Variants in FMO5 observed in about 807,000 individuals in gnomAD.
FMO5 encodes flavin-containing monooxygenase 5.
FMO5 carries 51 observed loss-of-function variants against 43.6 expected under a neutral mutation model. The ratio of observed to expected loss-of-function variants is 1.17; its 90% confidence interval spans 0.93 to 1.48. The LOEUF (loss-of-function observed/expected upper bound fraction) is 1.48. Among genes scored for constraint, FMO5 ranks in the 40% most tolerant of loss-of-function variants. The pLI, the probability that FMO5 is intolerant of heterozygous loss-of-function variation, is 0.00. For synonymous variants in FMO5, 187 were observed against 216.5 expected, an observed-to-expected ratio of 0.86 and a Z score of 1.20; for missense variants, 644 against 643.0, an observed-to-expected ratio of 1.00 and a Z score of -0.02.
In FMO5 at chr1:147,194,911, C is replaced by T. The variant is rs1284178740; in HGVS notation, c.1184-4662G>A. On this transcript the variant is annotated intron_variant, in intron 7 of 8. Transcript: ENST00000254090. ...CTGATGGGCTTCCCTTTGTGGGTAA[C>T]CCGACCTTTCTCTCTGGCTGCCCTT... 6.6e-5 allele frequency among the ~76,000 whole-genome samples: 10 copies of T among 151,978 alleles called. No individual in the cohort carries two copies. The South Asian group carries it at 2.1e-3, about 32-fold the overall frequency.
chr1:147,206,939 T>A (rs587658619), intron 6 of FMO5, among the ~76,000 whole-genome samples: 185 of 151,496 alleles, frequency 1.2e-3, no homozygotes, highest in Non-Finnish European at 1.1e-3. Context: ...ATAATAAAAA[T>A]ATATATATAT....
chr1:147,211,770 C>A (rs1661104794), intron 5 of FMO5, among the ~76,000 whole-genome samples: 1 of 152,140 alleles, frequency 6.6e-6, no homozygotes, highest in Non-Finnish European at 1.5e-5. Flanking sequence ...AAACAAAAAG[C>A]CAAGGAGATA....
Position 147,212,542 on chromosome 1 carries a change from G to C in FMO5, c.488-7C>G. 1.2e-6 allele frequency: 2 copies of C among 1,609,258 alleles called. No homozygotes were observed. Among genetic ancestry groups the C allele is most frequent in the Non-Finnish European group, 1.7e-6 (2 of 1,178,186 alleles). Reference sequence around the variant, plus strand: ...CCTTTGAACTTCTCAATTCCTGCAAGAGAAGGGAAAATAATTATTGGGTAA... The same window carrying C: ...CCTTTGAACTTCTCAATTCCTGCAACAGAAGGGAAAATAATTATTGGGTAA... On this transcript the variant is annotated splice_region_variant and splice_polypyrimidine_tract_variant and intron_variant, in intron 4 of 8. Coordinates refer to ENST00000254090, the MANE Select transcript of FMO5 (RefSeq NM_001461.4).
chr1:147,213,498 G>T, intron 3 of FMO5, 28 bp from the exon 4 acceptor site: 2 of 1,552,936 alleles, frequency 1.3e-6, no homozygotes, highest in African/African-American at 2.7e-5. Flanking sequence ...AACCACAGGG[G>T]ACATCCCTGA....
chr1:147,200,654 G>A (rs1038010715), intron 7 of FMO5, among the ~76,000 whole-genome samples: 6 of 151,756 alleles, frequency 4.0e-5, no homozygotes, highest in Non-Finnish European at 8.8e-5. Context: ...AGAAAAGTGA[G>A]AATTTGGGGG....
intron 3 of FMO5, 134 bp downstream of exon 3, chr1:147,215,620 G>GT (rs1661850213): frequency 1.6e-6 from 1 of 614,278 alleles, no homozygotes; most frequent in Non-Finnish European, 2.8e-6. Context: ...AAAGAATGGA[G>GT]TTTTTGCCTG....
rs1320048498 is a variant in FMO5, at chr1:147,209,056, G to C, written c.631-5C>G. The C allele has an allele frequency of 6.2e-7, 1 of 1,611,022 alleles. No individual in the cohort carries two copies. The highest frequency in any genetic ancestry group is 8.5e-7 in the Non-Finnish European group (1 of 1,178,224). On this transcript the variant is annotated splice_region_variant and splice_polypyrimidine_tract_variant and intron_variant, in intron 5 of 8. Transcript: ENST00000254090. ...TCTCCTGGTGCTGAGGAAAACCTGG[G>C]GCATGGAAGAAATTGTTTGCTTTTG...
rs1571241802 is a variant in FMO5, at chr1:147,201,063, T to C, written c.1183+89A>G. On this transcript the variant is annotated intron_variant, in intron 7 of 8. Coordinates refer to ENST00000254090, the MANE Select transcript of FMO5 (RefSeq NM_001461.4). ...TGCTAGGCACTGTTGTAATCATACA[T>C]GCTATCTCTAGCTATTTAAAAACAA... 1.1e-5 allele frequency: 10 copies of C among 890,908 alleles called. No homozygotes were observed. The East Asian group carries it at 2.2e-4, about 19-fold the overall frequency. 55.2% of individuals were successfully genotyped at this position (890,908 alleles called of 1,614,324 possible). A position where few individuals can be genotyped will look rare whatever the true frequency, so the allele number is the denominator to read the frequency against.
At chr1:147,198,850 CAAAAAAAAAAAAA>C (rs151035141) in intron 7 of FMO5, among the ~76,000 whole-genome samples, 5 of 51,780 alleles carry the variant, frequency 9.7e-5, no homozygotes, top group African/African-American at 3.5e-4. Flanking sequence ...GACTGCATCT[CAAAAAAAAAAAAA>C]AAAAAAAAAA....
At chr1:147,225,825 C>T (rs28381166), upstream of FMO5, 1 of 152,154 alleles carries the variant, frequency 6.6e-6, no homozygotes, top group Non-Finnish European at 1.5e-5. Context: ...TTTATTCGGC[C>T]GGGAGCGTCG....
intron 2 of FMO5, among the ~76,000 whole-genome samples, chr1:147,221,871 G>C (rs1331487605): frequency 6.6e-6 from 1 of 152,236 alleles, no homozygotes; most frequent in South Asian, 2.1e-4. Context: ...CTTAGGTAAG[G>C]TTTACCACTG....
At chr1:147,194,215 G>A (rs1212343272) in intron 7 of FMO5, among the ~76,000 whole-genome samples, 1 of 152,118 alleles carries the variant, frequency 6.6e-6, no homozygotes, top group African/African-American at 2.4e-5. Flanking sequence ...TATATATTTA[G>A]GATAGTTAGG....
At chr1:147,200,668 G>A (rs1287628182) in intron 7 of FMO5, among the ~76,000 whole-genome samples, 2 of 151,814 alleles carry the variant, frequency 1.3e-5, no homozygotes, top group Admixed American at 1.3e-4. Context: ...TTGGGGGATT[G>A]AATATCCTAC....
chr1:147,191,479 C>T (rs1656794884), intron 7 of FMO5, among the ~76,000 whole-genome samples: 3 of 152,052 alleles, frequency 2.0e-5, no homozygotes, highest in Admixed American at 2.0e-4. Context: ...GCATAAATGT[C>T]TTCTTTTGAG....
Position 147,215,752 on chromosome 1 carries a change from AC to A in FMO5, c.324+1del, listed in dbSNP as rs782556248. The stretch of plus-strand genomic sequence containing the variant: ...CACAAAGATACCCACACAATTTTCT[AC>A]CTTAAATCGAATATACTTTAGAAGG... On this transcript the variant is annotated splice_donor_variant, in intron 3 of 8. Transcript: ENST00000254090. LOFTEE classifies it high-confidence loss of function. 1 of 1,591,648 alleles carries A rather than the reference AC, an allele frequency of 6.3e-7. No individual in the cohort carries two copies. Among genetic ancestry groups the A allele is most frequent in the East Asian group, 2.2e-5 (1 of 44,618 alleles).
chr1:147,225,069 AAAG>A lies in FMO5; in HGVS notation c.-37-6_-37-4del. 1 of 1,613,284 alleles carries A rather than the reference AAAG, an allele frequency of 6.2e-7. No homozygotes were observed. The highest frequency in any genetic ancestry group is 8.5e-7 in the Non-Finnish European group (1 of 1,179,628). On this transcript the variant is annotated splice_polypyrimidine_tract_variant and splice_region_variant and intron_variant, in intron 1 of 8. Coordinates refer to ENST00000254090, the MANE Select transcript of FMO5 (RefSeq NM_001461.4). ...TTCACCTGTTAGTGTCGCCTGTCCT[AAAG>A]AAAGGATGACAAAAGACAAAAAGCA...
At chr1:147,194,478 A>C (rs145281478) in intron 7 of FMO5, among the ~76,000 whole-genome samples, 5,611 of 152,100 alleles carry the variant, frequency 0.037, 154 homozygotes, top group South Asian at 0.095. Context: ...CAGTCTGTGT[A>C]TTTTAATTGG....
At chr1:147,196,555 T>C (rs1203452958) in intron 7 of FMO5, among the ~76,000 whole-genome samples, 7 of 152,034 alleles carry the variant, frequency 4.6e-5, no homozygotes, top group Admixed American at 4.6e-4. Context: ...TAAAGAGGTA[T>C]ATACATCTTA....
Position 147,212,338 on chromosome 1 carries a change from T to G in FMO5, c.630+55A>C, listed in dbSNP as rs28381187. On this transcript the variant is annotated intron_variant, in intron 5 of 8. Transcript: ENST00000254090. Reference sequence around the variant, plus strand: ...CTGTTGGGTCCACCTGCAGCTTCCTTGGAGAAACTGAAGCTAGAGTTAAGC... The same window carrying G: ...CTGTTGGGTCCACCTGCAGCTTCCTGGGAGAAACTGAAGCTAGAGTTAAGC... 9.8e-5 allele frequency: 155 copies of G among 1,589,524 alleles called. No individual in the cohort carries two copies. The African/African-American group carries it at 1.7e-3, about 18-fold the overall frequency.
Sources: allele counts gnomAD v4.1 joint callset (sites outside exome capture counted in the v4.1 genomes callset), GRCh38; gene constraint gnomAD v4.1.1; transcripts MANE v1.5; gene names NCBI Gene and HGNC (gene_info 2026-07-23, HGNC 2026-07-21).